Variants in L2HGDH observed in about 807,000 individuals in gnomAD.
The protein encoded by L2HGDH is L-2-hydroxyglutarate dehydrogenase, also known as L-2-hydroxyglutarate dehydrogenase, mitochondrial.
Under a neutral mutation model 51.5 loss-of-function variants are expected in L2HGDH, and 34 were observed. That is an observed-to-expected ratio of 0.66 (90% CI 0.50 to 0.88). The LOEUF (loss-of-function observed/expected upper bound fraction) is 0.88. Ranked by LOEUF, L2HGDH falls within the 40% of genes least tolerant of loss-of-function variation. The pLI is 0.00. For missense variants in L2HGDH, 558 were observed against 571.9 expected (o/e 0.98, Z 0.25); for synonymous variants, 198 against 197.9 (o/e 1.00, Z -0.01).
chr14:50,311,975 C>T, intron 1 of L2HGDH, 36 bp downstream of exon 1: 1 of 1,545,130 alleles, frequency 6.5e-7, no homozygotes, highest in East Asian at 2.4e-5. Context: ...CGAGGGGCAG[C>T]AGCGCAGGCG....
chr14:50,304,999 T>C (rs1367046342), intron 1 of L2HGDH, among the ~76,000 whole-genome samples: 1 of 152,232 alleles, frequency 6.6e-6, no homozygotes, highest in Admixed American at 6.5e-5. Context: ...AAAAGTGATC[T>C]AAGTTTCAAT....
At chr14:50,287,691 CTTTTTTTTTT>C (rs911689718) in intron 4 of L2HGDH, among the ~76,000 whole-genome samples, 2 of 85,276 alleles carry the variant, frequency 2.3e-5, no homozygotes, top group Non-Finnish European at 4.3e-5. Context: ...TATTTTTTTC[CTTTTTTTTTT>C]TTTTTTTTTT....
At chr14:50,249,328 G>A (rs527875143) in intron 9 of L2HGDH, among the ~76,000 whole-genome samples, 6 of 152,240 alleles carry the variant, frequency 3.9e-5, no homozygotes, top group Admixed American at 6.5e-5. Flanking sequence ...GATACCAGCC[G>A]GCATAGCTAA....
intron 8 of L2HGDH, 134 bp from the exon 9 acceptor site, chr14:50,265,623 G>A: frequency 1.2e-6 from 1 of 836,384 alleles, no homozygotes; most frequent in South Asian, 1.7e-5. Context: ...CAGATTAAAA[G>A]AAAATCAAGG....
intron 6 of L2HGDH, among the ~76,000 whole-genome samples, chr14:50,269,995 T>C (rs960405594): frequency 1.1e-4 from 17 of 152,188 alleles, no homozygotes; most frequent in African/African-American, 3.4e-4. Context: ...TTCTCCTGTA[T>C]CTGAGCAATT....
chr14:50,281,483 T>C (rs1032079443), intron 5 of L2HGDH, among the ~76,000 whole-genome samples: 2 of 152,056 alleles, frequency 1.3e-5, no homozygotes, highest in African/African-American at 4.8e-5. Flanking sequence ...TCCCAGTTAC[T>C]TGGGAGGCTG....
chr14:50,255,711 A>T (rs1215014016), intron 9 of L2HGDH, among the ~76,000 whole-genome samples: 1 of 152,028 alleles, frequency 6.6e-6, no homozygotes, highest in East Asian at 1.9e-4. Flanking sequence ...TTAAGTTAAA[A>T]TTTAAAATTT....
chr14:50,247,030 A>G lies in L2HGDH; in HGVS notation c.*28T>C. The G allele has an allele frequency of 6.2e-7, 1 of 1,604,202 alleles. No homozygotes were observed. The highest frequency in any genetic ancestry group is 1.1e-5 in the South Asian group (1 of 90,400). On this transcript the variant is annotated 3_prime_UTR_variant, in exon 10 of 10. Transcript: ENST00000267436. ...CATTCTTGTTGCTGACATGAAGATT[A>G]CAGTGCATACCTAGCTCCTTTCATT... is the stretch of plus-strand genomic sequence containing the variant.
intron 5 of L2HGDH, among the ~76,000 whole-genome samples, chr14:50,282,236 G>A (rs1386833417): frequency 1.3e-5 from 2 of 152,160 alleles, no homozygotes; most frequent in South Asian, 2.1e-4. Context: ...ACAGTGCACC[G>A]GATAGCCCCC....
intron 9 of L2HGDH, 134 bp from the exon 10 acceptor site, chr14:50,247,387 GT>G: frequency 1.4e-6 from 2 of 1,409,008 alleles, no homozygotes; most frequent in South Asian, 2.7e-5. Context: ...ATGAGTTTAT[GT>G]TTAACCAAAG....
chr14:50,295,566 C>T (rs1013413748), intron 3 of L2HGDH, among the ~76,000 whole-genome samples: 5 of 144,972 alleles, frequency 3.4e-5, no homozygotes, highest in Non-Finnish European at 6.0e-5. Context: ...GCACCACACT[C>T]GGCTAATTTT....
chr14:50,269,410 GA>G, intron 6 of L2HGDH, 80 bp from the exon 7 acceptor site: 11 of 1,328,806 alleles, frequency 8.3e-6, no homozygotes, highest in Non-Finnish European at 1.1e-5. Flanking sequence ...TGATAGAAAA[GA>G]AAAAAAGGTA....
At chr14:50,281,263 T>C (rs186877927) in intron 5 of L2HGDH, among the ~76,000 whole-genome samples, 15 of 152,290 alleles carry the variant, frequency 9.8e-5, no homozygotes, top group African/African-American at 3.6e-4. Flanking sequence ...TGTCATGTCA[T>C]GAAAATTTTT....
intron 1 of L2HGDH, among the ~76,000 whole-genome samples, chr14:50,306,403 T>C (rs751178521): frequency 6.6e-6 from 1 of 152,130 alleles, no homozygotes; most frequent in Non-Finnish European, 1.5e-5. Context: ...GCAGTGTGTG[T>C]ATAAGAGAGA....
At chr14:50,308,335 C>T (rs996591165) in intron 1 of L2HGDH, among the ~76,000 whole-genome samples, 4 of 149,958 alleles carry the variant, frequency 2.7e-5, no homozygotes, top group Non-Finnish European at 4.4e-5. Flanking sequence ...TGCGGTGAGC[C>T]GAGACCGCGC....
intron 9 of L2HGDH, among the ~76,000 whole-genome samples, chr14:50,254,294 T>G (rs1296118124): frequency 6.6e-6 from 1 of 152,000 alleles, no homozygotes; most frequent in Non-Finnish European, 1.5e-5. Context: ...CAAAATATCT[T>G]ATGTACCCCA....
rs1208726707 is a variant in L2HGDH, at chr14:50,294,160, C to T, written c.495G>A (p.Arg165=). Residue 165 remains arginine (R), a synonymous_variant, in exon 4 of 10, where the codon AGG becomes AGA. Transcript: ENST00000267436. ...KGLQNGVPGL[R]LIQQEDIKKK... is the part of the protein sequence containing the mutation. The stretch of plus-strand genomic sequence containing the variant: ...TTTTTATATCCTCCTGCTGGATCAG[C>T]CTCAGGCCCGGGACACCATTCTGGA... 6.2e-7 allele frequency: 1 copy of T among 1,613,938 alleles called. No individual in the cohort carries two copies. Among genetic ancestry groups the T allele is most frequent in the Non-Finnish European group, 8.5e-7 (1 of 1,179,966 alleles).
chr14:50,267,801 C>G lies in L2HGDH; in HGVS notation c.1016G>C (p.Arg339Thr). The part of the protein sequence containing the change: ...AVLAFKREGY[R>T]PFDFSATDVM... The stretch of plus-strand genomic sequence containing the variant: ...ATCTGTGGCACTGAAGTCAAAGGGT[C>G]TGTAACCCTCTCGTTTAAAGGCAAG... Residue 339 changes from arginine (R) to threonine (T), a missense_variant, in exon 8 of 10, where the codon AGA becomes ACA. Coordinates refer to ENST00000267436, the MANE Select transcript of L2HGDH (RefSeq NM_024884.3). The G allele has an allele frequency of 6.2e-7, 1 of 1,613,238 alleles. No homozygotes were observed. Among genetic ancestry groups the G allele is most frequent in the Non-Finnish European group, 8.5e-7 (1 of 1,179,168 alleles).
At chr14:50,288,558 G>C (rs1890691396) in intron 4 of L2HGDH, among the ~76,000 whole-genome samples, 1 of 152,154 alleles carries the variant, frequency 6.6e-6, no homozygotes, top group African/African-American at 2.4e-5. Context: ...AGCTTCCTGA[G>C]TAGCTGGGAT....
Sources: gnomAD v4.1 joint callset for allele counts (sites outside exome capture counted in the v4.1 genomes callset) on GRCh38, gnomAD v4.1.1 for gene constraint, MANE v1.5 for transcripts, NCBI Gene and HGNC (gene_info 2026-07-23, HGNC 2026-07-21) for gene names.